SEPTIN7: variants seen among roughly 807,000 people sequenced by gnomAD.
The protein encoded by SEPTIN7 is septin-7.
SEPTIN7 carries 10 observed loss-of-function variants against 63.3 expected under a neutral mutation model. That is an observed-to-expected ratio of 0.16 (90% CI 0.10 to 0.27). The LOEUF is 0.27. Among genes scored for constraint, SEPTIN7 ranks in the 10% least tolerant of loss-of-function variants. SEPTIN7 has a pLI of 1.00. For missense variants in SEPTIN7, 310 were observed against 521.0 expected (o/e 0.59, Z 3.94); for synonymous variants, 131 against 165.3 (o/e 0.79, Z 1.59).
rs1787928748 is a variant in SEPTIN7, at chr7:35,801,178, CCGCTGGG to C, written c.-31_-25del. 6.8e-7 allele frequency: 1 copy of C among 1,480,518 alleles called. No homozygotes were observed. The highest frequency in any genetic ancestry group is 1.5e-5 in the African/African-American group (1 of 68,482). 91.7% of individuals were successfully genotyped at this position (1,480,518 alleles called of 1,614,324 possible). On this transcript the variant is annotated 5_prime_UTR_variant, in exon 1 of 14. Coordinates refer to ENST00000350320, the MANE Select transcript of SEPTIN7 (RefSeq NM_001788.6). ...CTTTGGAGAATCGGCGGGCTGCGCT[CCGCTGGG>C]GCTGGTCGCGGAGGGGGGGAGGGGA...
chr7:35,842,695 A>G (rs1172538578), intron 3 of SEPTIN7, among the ~76,000 whole-genome samples: 1 of 152,220 alleles, frequency 6.6e-6, no homozygotes, highest in Non-Finnish European at 1.5e-5. Context: ...ACTGCACATG[A>G]TTACTGTGCT....
At chr7:35,848,850 A>G (rs1341136080) in intron 3 of SEPTIN7, among the ~76,000 whole-genome samples, 2 of 152,198 alleles carry the variant, frequency 1.3e-5, no homozygotes, top group Non-Finnish European at 2.9e-5. Flanking sequence ...TGGGTTGTAT[A>G]AAGAATGCTT....
chr7:35,891,113 C>A (rs1367506705), intron 11 of SEPTIN7, among the ~76,000 whole-genome samples: 1 of 152,004 alleles, frequency 6.6e-6, no homozygotes, highest in African/African-American at 2.4e-5. Context: ...TCGTTTTCTT[C>A]TTTTGGTTGT....
chr7:35,840,720 A>G (rs986964690), intron 3 of SEPTIN7, among the ~76,000 whole-genome samples: 2 of 152,064 alleles, frequency 1.3e-5, no homozygotes, highest in African/African-American at 4.8e-5. Flanking sequence ...ACTGTTTTAG[A>G]TGCTTGAGAG....
the SEPTIN7 span, among the ~76,000 whole-genome samples, chr7:35,914,655 C>A: frequency 0.021 from 1,941 of 91,970 alleles, 35 homozygotes; most frequent in African/African-American, 0.048. Flanking sequence ...CTCTCTCTCT[C>A]TCTCTATATA....
intron 3 of SEPTIN7, among the ~76,000 whole-genome samples, chr7:35,861,410 T>C (rs1785502415): frequency 6.6e-6 from 1 of 152,222 alleles, no homozygotes; most frequent in Non-Finnish European, 1.5e-5. Flanking sequence ...TCTCTTCAGT[T>C]GCACACTGGC....
chr7:35,824,694 A>G (rs1324413352), intron 1 of SEPTIN7, among the ~76,000 whole-genome samples: 2 of 152,146 alleles, frequency 1.3e-5, no homozygotes, highest in Non-Finnish European at 1.5e-5. Context: ...CTGTCATTTC[A>G]TGTCTTTAAT....
At chr7:35,813,816 T>C (rs1399905937) in intron 1 of SEPTIN7, among the ~76,000 whole-genome samples, 9 of 152,224 alleles carry the variant, frequency 5.9e-5, no homozygotes, top group Non-Finnish European at 1.3e-4. Context: ...GGGATATTGA[T>C]CATTTCACAT....
chr7:35,896,218 A>G (rs1344568373), intron 11 of SEPTIN7, among the ~76,000 whole-genome samples: 3 of 152,228 alleles, frequency 2.0e-5, no homozygotes, highest in East Asian at 3.8e-4. Context: ...TTTCCCAAGG[A>G]TAAGATAAAC....
intron 6 of SEPTIN7, among the ~76,000 whole-genome samples, chr7:35,874,806 T>G (rs1786377230): frequency 6.6e-6 from 1 of 152,156 alleles, no homozygotes; most frequent in Non-Finnish European, 1.5e-5. Flanking sequence ...TCTAATATTC[T>G]TTTACAGTAC....
intron 1 of SEPTIN7, among the ~76,000 whole-genome samples, chr7:35,824,768 A>G (rs537072720): frequency 6.6e-6 from 1 of 152,332 alleles, no homozygotes; most frequent in African/African-American, 2.4e-5. Flanking sequence ...AGCTTTCATA[A>G]TAACCACATT....
At chr7:35,880,223 C>CTTTTTTTTTTTTTTTTTTTTTCTTTTT in intron 7 of SEPTIN7, among the ~76,000 whole-genome samples, 6 of 72,774 alleles carry the variant, frequency 8.2e-5, no homozygotes, top group East Asian at 4.0e-4. Context: ...TTTTTCTTTT[C>CTTTTTTTTTTTTTTTTTTTTTCTTTTT]TTTTTTTTTT....
chr7:35,801,516 G>GCGGCGGGCTGGCCCC (rs2115595667), intron 1 of SEPTIN7, among the ~76,000 whole-genome samples: 1 of 151,082 alleles, frequency 6.6e-6, no homozygotes, highest in South Asian at 2.1e-4. Flanking sequence ...TTCCTGTGCC[G>GCGGCGGGCTGGCCCC]CGGCGGGCTG....
chr7:35,864,647 T>C (rs895263735), intron 4 of SEPTIN7, among the ~76,000 whole-genome samples: 30 of 142,926 alleles, frequency 2.1e-4, no homozygotes, highest in Admixed American at 1.7e-3. Flanking sequence ...TTTCACCTTT[T>C]TCCTATTTTA....
intron 1 of SEPTIN7, among the ~76,000 whole-genome samples, chr7:35,802,834 G>A (rs937246604): frequency 1.3e-5 from 2 of 152,158 alleles, no homozygotes; most frequent in African/African-American, 4.8e-5. Flanking sequence ...CGGTCGTGGC[G>A]GGAGAGCAGT....
chr7:35,872,398 TGTC>T (rs1382083836), intron 4 of SEPTIN7, among the ~76,000 whole-genome samples: 1 of 152,186 alleles, frequency 6.6e-6, no homozygotes, highest in Non-Finnish European at 1.5e-5. Context: ...TTCCTCTGTC[TGTC>T]TTTATACCAA....
chr7:35,900,335 G>C (rs1235308698), intron 12 of SEPTIN7: 1 of 152,192 alleles, frequency 6.6e-6, no homozygotes, highest in Non-Finnish European at 1.5e-5. Flanking sequence ...TACAGGATTA[G>C]CATCCCTGGC....
intron 1 of SEPTIN7, among the ~76,000 whole-genome samples, chr7:35,801,852 C>G (rs944665929): frequency 3.9e-5 from 6 of 152,128 alleles, no homozygotes; most frequent in Non-Finnish European, 8.8e-5. Flanking sequence ...GCGGCGGCGG[C>G]TGCAGCCGCA....
At chr7:35,863,451 G>A in intron 3 of SEPTIN7, 101 bp from the exon 4 acceptor site, 1 of 629,914 alleles carries the variant, frequency 1.6e-6, no homozygotes, top group Non-Finnish European at 2.7e-6. Context: ...GTCTCACCAA[G>A]AAGTACTTGC....
Sources: allele counts gnomAD v4.1 joint callset (sites outside exome capture counted in the v4.1 genomes callset), GRCh38; gene constraint gnomAD v4.1.1; transcripts MANE v1.5; gene names NCBI Gene and HGNC (gene_info 2026-07-23, HGNC 2026-07-21).